EPHA6: variants seen among roughly 807,000 people sequenced by gnomAD.
EPHA6 encodes the protein ephrin type-A receptor 6.
EPHA6 carries 50 observed loss-of-function variants against 112.0 expected under a neutral mutation model. The observed-to-expected ratio is 0.45, with a 90% CI of 0.36 to 0.56. EPHA6 has a LOEUF of 0.56. Ranked by LOEUF, EPHA6 falls within the 20% of genes least tolerant of loss-of-function variation. The pLI is 0.00. For missense variants in EPHA6, 1,280 were observed against 1,417.4 expected, an observed-to-expected ratio of 0.90 and a Z score of 1.56; for synonymous variants, 529 against 490.7, an observed-to-expected ratio of 1.08 and a Z score of -1.03.
chr3:97,053,226 T>A (rs1308714355), intron 3 of EPHA6, among the ~76,000 whole-genome samples: 2 of 151,582 alleles, frequency 1.3e-5, no homozygotes, highest in African/African-American at 4.9e-5. Flanking sequence ...CGACTAGGAG[T>A]ATAGAGCATA....
intron 6 of EPHA6, among the ~76,000 whole-genome samples, chr3:97,424,940 A>G (rs2088987475): frequency 6.6e-6 from 1 of 152,216 alleles, no homozygotes; most frequent in Admixed American, 6.5e-5. Context: ...CAAGTCCAAA[A>G]TCAAACAAGT....
chr3:97,608,128 C>T (rs2107447125), intron 12 of EPHA6, among the ~76,000 whole-genome samples: 1 of 150,706 alleles, frequency 6.6e-6, no homozygotes, highest in Middle Eastern at 3.4e-3. Flanking sequence ...AACAGCTGTT[C>T]TCAGTTGATG....
At chr3:96,915,947 G>T (rs192446963) in intron 2 of EPHA6, among the ~76,000 whole-genome samples, 33 of 152,224 alleles carry the variant, frequency 2.2e-4, no homozygotes, top group African/African-American at 7.9e-4. Flanking sequence ...TTCTAGAGAT[G>T]CAAAGTGGTA....
At chr3:97,417,929 A>G (rs952308044) in intron 6 of EPHA6, among the ~76,000 whole-genome samples, 8 of 152,194 alleles carry the variant, frequency 5.3e-5, no homozygotes, top group African/African-American at 1.7e-4. Context: ...ACACAATCAA[A>G]GACTACCAAT....
intron 7 of EPHA6, among the ~76,000 whole-genome samples, chr3:97,465,679 C>A (rs1396866531): frequency 6.6e-6 from 1 of 151,954 alleles, no homozygotes; most frequent in Non-Finnish European, 1.5e-5. Flanking sequence ...ATAGCAGGTC[C>A]TAAAAGAAAT....
At chr3:97,225,323 G>A (rs1187617075) in intron 3 of EPHA6, among the ~76,000 whole-genome samples, 1 of 152,150 alleles carries the variant, frequency 6.6e-6, no homozygotes, top group Non-Finnish European at 1.5e-5. Context: ...GCATATTTTA[G>A]TAGAAAACAA....
rs548194186 is a variant in EPHA6 at position 97,127,199 on chromosome 3, A to G, written c.1115-99065A>G. 3.9e-5 allele frequency among the ~76,000 whole-genome samples: 6 copies of G among 152,276 alleles called. No homozygotes were observed. In the East Asian group the frequency reaches 1.2e-3, roughly 29 times the overall value. On this transcript the variant is annotated intron_variant, in intron 3 of 17. Coordinates refer to ENST00000389672, the MANE Select transcript of EPHA6 (RefSeq NM_001080448.3). The stretch of plus-strand genomic sequence containing the variant: ...TAAGAGTGGACAGCAGTCAGGGAGA[A>G]ATGTAATTGTACAAAGGGATATGAT...
At chr3:97,364,213 T>G (rs546535116) in intron 5 of EPHA6, among the ~76,000 whole-genome samples, 1 of 152,228 alleles carries the variant, frequency 6.6e-6, no homozygotes, top group Admixed American at 6.5e-5. Context: ...GTGGGAAATT[T>G]TTGAGAAAAA....
chr3:97,054,606 A>AT (rs2045793387), intron 3 of EPHA6, among the ~76,000 whole-genome samples: 1 of 152,166 alleles, frequency 6.6e-6, no homozygotes. Context: ...TCATTATGTC[A>AT]TTATACACTG....
intron 2 of EPHA6, 33 bp from the exon 3 acceptor site, chr3:96,987,297 A>C (rs780839110): frequency 6.5e-7 from 1 of 1,544,630 alleles, no homozygotes; most frequent in Non-Finnish European, 8.8e-7. Context: ...CTGTGGTTTA[A>C]AATCACTTAA....
intron 3 of EPHA6, among the ~76,000 whole-genome samples, chr3:97,051,325 G>T: frequency 6.6e-6 from 1 of 152,208 alleles, no homozygotes; most frequent in Admixed American, 6.5e-5. Context: ...AATCTCCTCC[G>T]TAAGGAGATA....
intron 3 of EPHA6, among the ~76,000 whole-genome samples, chr3:97,074,781 T>C (rs1576439285): frequency 6.6e-6 from 1 of 151,992 alleles, no homozygotes; most frequent in East Asian, 1.9e-4. Flanking sequence ...ATTTTAGAAA[T>C]TATTCTTTTC....
chr3:97,143,458 T>C (rs2075960754), intron 3 of EPHA6, among the ~76,000 whole-genome samples: 1 of 151,862 alleles, frequency 6.6e-6, no homozygotes, highest in East Asian at 1.9e-4. Flanking sequence ...AAGTTGGTTA[T>C]AGATTGTACC....
chr3:97,689,388 G>GA (rs199688233), intron 14 of EPHA6, among the ~76,000 whole-genome samples: 2,239 of 152,180 alleles, frequency 0.015, 142 homozygotes, highest in Admixed American at 0.11. Flanking sequence ...TAATGTGCTG[G>GA]AAAAAAATGT....
intron 3 of EPHA6, among the ~76,000 whole-genome samples, chr3:97,037,163 G>T (rs907719947): frequency 1.3e-5 from 2 of 151,972 alleles, no homozygotes; most frequent in African/African-American, 4.8e-5. Flanking sequence ...TATGCTATTT[G>T]CTAAGAAGAA....
At chr3:97,365,855 G>C (rs1009979802) in intron 5 of EPHA6, among the ~76,000 whole-genome samples, 1 of 152,066 alleles carries the variant, frequency 6.6e-6, no homozygotes, top group Admixed American at 6.6e-5. Context: ...AGTCTGTTTT[G>C]ATCATCCCTA....
chr3:97,096,907 A>G (rs1428635602), intron 3 of EPHA6, among the ~76,000 whole-genome samples: 4 of 151,852 alleles, frequency 2.6e-5, no homozygotes, highest in African/African-American at 9.7e-5. Flanking sequence ...TTTCTAAATT[A>G]TAAGTAACTC....
rs926704236 is a variant in EPHA6 at position 96,833,108 on chromosome 3, G to C, written c.385+18100G>C. 2.7e-5 allele frequency among the ~76,000 whole-genome samples: 4 copies of C among 150,890 alleles called. No homozygotes were observed. In the East Asian group the frequency reaches 7.8e-4, roughly 29 times the overall value. ...TGAAGCCTTAACTCCTAGTGCCTCA[G>C]AATGTGACCTTCTTTGTAAATAGTG... On this transcript the variant is annotated intron_variant, in intron 1 of 17. Transcript: ENST00000389672.
chr3:97,414,621 C>G (rs557504227), intron 6 of EPHA6, among the ~76,000 whole-genome samples: 40 of 151,968 alleles, frequency 2.6e-4, no homozygotes, highest in African/African-American at 9.2e-4. Flanking sequence ...GTCTTAGATT[C>G]TCAAATGAAA....
Sources: gnomAD v4.1 joint callset for allele counts (sites outside exome capture counted in the v4.1 genomes callset) on GRCh38, gnomAD v4.1.1 for gene constraint, MANE v1.5 for transcripts, NCBI Gene and HGNC (gene_info 2026-07-23, HGNC 2026-07-21) for gene names.